The following RINL variants were observed in gnomAD, a reference collection of about 807,000 sequenced individuals.
RINL encodes the protein Ras and Rab interactor like.
RINL carries 39 observed loss-of-function variants against 58.1 expected under a neutral mutation model. The observed-to-expected ratio is 0.67, with a 90% CI of 0.52 to 0.88. The LOEUF is 0.88. Ranked by LOEUF, RINL falls within the 40% of genes least tolerant of loss-of-function variation. RINL has a pLI of 0.00. For missense variants in RINL, 711 were observed against 749.2 expected (o/e 0.95, Z 0.60); for synonymous variants, 286 against 323.1 (o/e 0.89, Z 1.23).
intron 2 of RINL, 48 bp from the exon 3 acceptor site, chr19:38,876,538 G>T: frequency 6.6e-7 from 1 of 1,518,778 alleles, no homozygotes; most frequent in Non-Finnish European, 8.8e-7. Flanking sequence ...GTGGGCAGTG[G>T]GACAATGAGG....
intron 4 of RINL, 85 bp from the exon 5 acceptor site, chr19:38,871,955 C>G: frequency 3.0e-6 from 3 of 1,009,046 alleles, no homozygotes; most frequent in Non-Finnish European, 4.6e-6. Context: ...TCCTCCATTC[C>G]TTCAGAATCC....
In RINL at chr19:38,869,213, C is replaced by A. The variant is rs1435761019; in HGVS notation, c.1638+34G>T. The A allele has an allele frequency of 6.2e-7, 1 of 1,614,126 alleles. No homozygotes were observed. Among genetic ancestry groups the A allele is most frequent in the Non-Finnish European group, 8.5e-7 (1 of 1,180,000 alleles). On this transcript the variant is annotated intron_variant, in intron 11 of 11. Transcript: ENST00000591812. This position sits in a 1 kb window ranked among gnomAD's most constrained non-coding sequence, Gnocchi z 5.7. ...GGGTCAGAAGGGCACCAGGTCTCAC[C>A]CTCCCTTCTACTTGCAGCCAGATGG...
rs901702498 is a variant in RINL, at chr19:38,873,982, A to G, written c.217T>C (p.Leu73=). 17 of 1,531,960 alleles carry G rather than the reference A, an allele frequency of 1.1e-5. No individual in the cohort carries two copies. The highest frequency in any genetic ancestry group is 1.5e-5 in the Non-Finnish European group (17 of 1,143,314). The allele number at this position is 1,531,960 out of a possible 1,614,324, so 94.9% of individuals were successfully genotyped here. A position where few individuals can be genotyped will look rare whatever the true frequency, so the allele number is the denominator to read the frequency against. The change falls in exon 4 of 12, where the codon TTG becomes CTG. Residue 73 remains leucine (L), a synonymous_variant. Coordinates refer to ENST00000591812, the MANE Select transcript of RINL (RefSeq NM_001195833.2). The part of the protein sequence containing the change: ...LVGLWPLGSF[L]VTGRDPSQAL... ...TGGCTGGGGTCACGTCCTGTGACCA[A>G]GAAACTCTGGGGGATAGAGACAAAG...
At position 38,868,177 on chromosome 19, in the gene RINL, T is replaced by G. The variant is rs2145465835; in HGVS notation, c.*927A>C. 6.6e-6 allele frequency: 1 copy of G among 152,292 alleles called. No individual in the cohort carries two copies. The highest frequency in any genetic ancestry group is 1.9e-4 in the East Asian group (1 of 5,166). 9.4% of individuals were successfully genotyped at this position (152,292 alleles called of 1,614,324 possible). A position where few individuals can be genotyped will look rare whatever the true frequency, so the allele number is the denominator to read the frequency against. ...TCAGGCTGGTCTTGAACTCCCGACC[T>G]CAGGTGATCTGCCCACCTTGGCCTC... On this transcript the variant is annotated 3_prime_UTR_variant, in exon 12 of 12. Coordinates refer to ENST00000591812, the MANE Select transcript of RINL (RefSeq NM_001195833.2).
chr19:38,870,621 C>A lies in RINL; in HGVS notation c.973G>T (p.Ala325Ser), dbSNP rs1339019311. ...DHLAKDSYIR[A>S]VFGSRGPGLP... Reference sequence around the variant, plus strand: ...CCAGGACCCCTGCTTCCAAAGACAGCCCTGATGTAGGAGTCCTTTGCCAGG... The same window carrying A: ...CCAGGACCCCTGCTTCCAAAGACAGACCTGATGTAGGAGTCCTTTGCCAGG... Residue 325 changes from alanine to serine, a missense_variant, in exon 8 of 12, where the codon GCT becomes TCT. By Grantham distance (99) the Ala-to-Ser change is moderately conservative (BLOSUM62 1). Transcript: ENST00000591812. The surrounding 1 kb of genome is among the most constrained non-coding windows in gnomAD (Gnocchi z 5.8). 6.2e-7 allele frequency: 1 copy of A among 1,610,596 alleles called. No individual in the cohort carries two copies. The highest frequency in any genetic ancestry group is 1.7e-5 in the Admixed American group (1 of 59,454).
At chr19:38,877,587 T>G (rs1039518021) in intron 1 of RINL, among the ~76,000 whole-genome samples, 11 of 152,244 alleles carry the variant, frequency 7.2e-5, no homozygotes, top group African/African-American at 2.7e-4. Context: ...AACATCCCTA[T>G]GCCCACTACC....
chr19:38,867,942 T>TTTTA lies in RINL; in HGVS notation c.*1158_*1161dup, dbSNP rs1011885425. 2 of 152,092 alleles carry TTTTA rather than the reference T, an allele frequency of 1.3e-5. No individual in the cohort carries two copies. The highest frequency in any genetic ancestry group is 2.4e-5 in the African/African-American group (1 of 41,412). The allele number at this position is 152,092 out of a possible 1,614,324, so 9.4% of individuals were successfully genotyped here. A position where few individuals can be genotyped will look rare whatever the true frequency, so the allele number is the denominator to read the frequency against. ...ATTAACGTTAACTTCACTTGTTTCT[T>TTTTA]TTTATTTATTTATTTATTTTTGAGA... is the stretch of plus-strand genomic sequence containing the variant. On this transcript the variant is annotated 3_prime_UTR_variant, in exon 12 of 12. Transcript: ENST00000591812.
At position 38,870,770 on chromosome 19, in the gene RINL, G is replaced by C; in HGVS notation, c.824C>G (p.Ala275Gly). The stretch of plus-strand genomic sequence containing the variant: ...CACCCGAAGGCTTCGGTACTGCCTG[G>C]CCACGTAGCTGCTCCGGGCCCTGAC... Reference protein sequence around the residue: ...SLVRARSSYVARQYRSLRVRI... With the variant: ...SLVRARSSYVGRQYRSLRVRI... Residue 275 changes from alanine to glycine, a missense_variant, in exon 8 of 12, where the codon GCC (alanine) becomes GGC (glycine). Transcript: ENST00000591812. The surrounding 1 kb of genome is among the most constrained non-coding windows in gnomAD (Gnocchi z 5.8). 1 of 1,613,068 alleles carries C rather than the reference G, an allele frequency of 6.2e-7. No homozygotes were observed. The highest frequency in any genetic ancestry group is 8.5e-7 in the Non-Finnish European group (1 of 1,180,004).
chr19:38,877,631 T>G (rs1359300371), intron 1 of RINL, among the ~76,000 whole-genome samples: 7 of 152,220 alleles, frequency 4.6e-5, no homozygotes, highest in Admixed American at 4.6e-4. Flanking sequence ...CTCATCTTGC[T>G]TTATCACACA....
chr19:38,873,713 A>T, intron 4 of RINL, 173 bp downstream of exon 4: 1 of 515,124 alleles, frequency 1.9e-6, no homozygotes, highest in South Asian at 2.3e-5. Flanking sequence ...TTTTGTAGAG[A>T]CGGGGTTTTG....
In RINL at chr19:38,876,710, GA is replaced by G; in HGVS notation, c.32del (p.Val11AlafsTer6). 6.5e-7 allele frequency: 1 copy of G among 1,536,098 alleles called. No individual in the cohort carries two copies. Among genetic ancestry groups the G allele is most frequent in the Non-Finnish European group, 8.7e-7 (1 of 1,146,874 alleles). On this transcript the variant is annotated frameshift_variant, in exon 2 of 12. Transcript: ENST00000591812. LOFTEE classifies it high-confidence loss of function. ...AGCCTCACCTCACCCCCTCTGTGGG[GA>G]CTTCAGGTGCCTTGTCTTCTGGCTG... MAQPEDKAPE[V>X]PTEGVRLVPP...
At chr19:38,874,074 T>G (rs1972869053) in intron 3 of RINL, 86 bp from the exon 4 acceptor site, 10 of 829,338 alleles carry the variant, frequency 1.2e-5, no homozygotes, top group Non-Finnish European at 1.9e-5. Flanking sequence ...TTTCCCTTAT[T>G]TTGGGTTCCA....
chr19:38,873,992 G>A lies in RINL; in HGVS notation c.211-4C>T. On this transcript the variant is annotated splice_polypyrimidine_tract_variant and splice_region_variant and intron_variant, in intron 3 of 11. Transcript: ENST00000591812. The stretch of plus-strand genomic sequence containing the variant: ...CACGTCCTGTGACCAAGAAACTCTG[G>A]GGGATAGAGACAAAGGCCAGCGTGA... The A allele has an allele frequency of 1.3e-6, 2 of 1,522,974 alleles. No individual in the cohort carries two copies. The highest frequency in any genetic ancestry group is 1.8e-6 in the Non-Finnish European group (2 of 1,135,088). The allele number at this position is 1,522,974 out of a possible 1,614,324, so 94.3% of individuals were successfully genotyped here.
Position 38,870,541 on chromosome 19 carries a change from TG to T in RINL, c.1024+28del. ...GGACGAAGTTGCACACTTGAACCCG[TG>T]GGGGCTCCCTTCCAGTCCTCCCATT... On this transcript the variant is annotated intron_variant, in intron 8 of 11. Transcript: ENST00000591812. This position sits in a 1 kb window ranked among gnomAD's most constrained non-coding sequence, Gnocchi z 5.8. 6.5e-7 allele frequency: 1 copy of T among 1,527,708 alleles called. No homozygotes were observed. Among genetic ancestry groups the T allele is most frequent in the East Asian group, 2.3e-5 (1 of 43,950 alleles). The allele number at this position is 1,527,708 out of a possible 1,614,324, so 94.6% of individuals were successfully genotyped here.
At chr19:38,871,035 C>T (rs1331975684) in intron 7 of RINL, 43 bp from the exon 8 acceptor site, 4 of 1,577,658 alleles carry the variant, frequency 2.5e-6, no homozygotes, top group Non-Finnish European at 3.4e-6. Flanking sequence ...ACAGGGGCAG[C>T]AGCTCCCTCC....
chr19:38,874,225 T>G lies in RINL; in HGVS notation c.211-237A>C, dbSNP rs374808294. 6.8e-4 allele frequency among the ~76,000 whole-genome samples: 103 copies of G among 152,074 alleles called. 1 individual carries two copies. Among genetic ancestry groups the G allele is most frequent in the African/African-American group, 2.3e-3 (97 of 41,486 alleles). ...AGGGTGCTCTCGGCCCACTGTTTGG[T>G]TCAGGGAACAGGCATGTGACTCAAG... On this transcript the variant is annotated intron_variant, in intron 3 of 11. Transcript: ENST00000591812.
chr19:38,875,640 G>C (rs1972907409), intron 3 of RINL, among the ~76,000 whole-genome samples: 1 of 151,314 alleles, frequency 6.6e-6, no homozygotes, highest in African/African-American at 2.4e-5. Context: ...TCATGCCATT[G>C]CACTCCAGCC....
At chr19:38,873,698 G>A in intron 4 of RINL, 188 bp downstream of exon 4, 1 of 481,616 alleles carries the variant, frequency 2.1e-6, no homozygotes, top group Non-Finnish European at 3.8e-6. Flanking sequence ...GCTAATTTTT[G>A]TATTTTTTGT....
In RINL at chr19:38,870,711, A is replaced by T; in HGVS notation, c.883T>A (p.Ser295Thr). The change falls in exon 8 of 12, where the codon TCT becomes ACT. Residue 295 changes from serine (S) to threonine (T), a missense_variant. Coordinates refer to ENST00000591812, the MANE Select transcript of RINL (RefSeq NM_001195833.2). The surrounding 1 kb of genome is among the most constrained non-coding windows in gnomAD (Gnocchi z 5.8). ...AGCAGCTCCGTGGCCGGGTCCCCAG[A>T]CCCGTGGGGACCCCCAGAATCTGAG... ...IASDSGGPHG[S>T]GDPATELLQD... 6.2e-7 allele frequency: 1 copy of T among 1,613,488 alleles called. No individual in the cohort carries two copies. Among genetic ancestry groups the T allele is most frequent in the Non-Finnish European group, 8.5e-7 (1 of 1,179,918 alleles).
Sources: allele counts gnomAD v4.1 joint callset (sites outside exome capture counted in the v4.1 genomes callset), GRCh38; gene constraint gnomAD v4.1.1; non-coding constraint Gnocchi (gnomAD v3.1); transcripts MANE v1.5; gene names NCBI Gene and HGNC (gene_info 2026-07-23, HGNC 2026-07-21).